CEP128: variants seen among roughly 807,000 people sequenced by gnomAD.
The protein encoded by CEP128 is centrosomal protein 128.
CEP128 carries 132 observed loss-of-function variants against 156.7 expected under a neutral mutation model. The observed-to-expected ratio is 0.84, with a 90% CI of 0.73 to 0.97. The LOEUF (loss-of-function observed/expected upper bound fraction) is 0.97, where lower values mean the gene tolerates loss of function less well. Ranked by LOEUF, CEP128 falls within the 50% of genes least tolerant of loss-of-function variation. The probability of loss-of-function intolerance (pLI) is 0.00; values close to 1 mark genes in which losing one functional copy is unlikely to be tolerated. For missense variants in CEP128, 1,252 were observed against 1,281.9 expected (o/e 0.98, Z 0.36); for synonymous variants, 469 against 448.9 (o/e 1.04, Z -0.57).
chr14:80,910,300 G>C (rs1884131994), intron 4 of CEP128, among the ~76,000 whole-genome samples: 1 of 152,108 alleles, frequency 6.6e-6, no homozygotes, highest in South Asian at 2.1e-4. Flanking sequence ...TCTGGATCTG[G>C]GTCCTCACCG....
chr14:80,593,094 C>T (rs1892150681), intron 19 of CEP128, among the ~76,000 whole-genome samples: 1 of 152,116 alleles, frequency 6.6e-6, no homozygotes, highest in Non-Finnish European at 1.5e-5. Context: ...TGGCACAAGA[C>T]AAGGATGCCC....
chr14:80,632,816 C>T (rs1894017186), intron 19 of CEP128, among the ~76,000 whole-genome samples: 1 of 152,090 alleles, frequency 6.6e-6, no homozygotes, highest in South Asian at 2.1e-4. Flanking sequence ...CAAGTGCATA[C>T]ATTCAATTTT....
intron 19 of CEP128, among the ~76,000 whole-genome samples, chr14:80,614,423 C>T (rs1893129245): frequency 6.6e-6 from 1 of 152,142 alleles, no homozygotes; most frequent in South Asian, 2.1e-4. Context: ...CCCTCCTATT[C>T]TTTTTTATCA....
At chr14:80,750,700 G>A (rs1433636617) in intron 18 of CEP128, among the ~76,000 whole-genome samples, 1 of 152,130 alleles carries the variant, frequency 6.6e-6, no homozygotes, top group Non-Finnish European at 1.5e-5. Context: ...GATGGTAATG[G>A]AGAAACAATA....
intron 1 of CEP128, among the ~76,000 whole-genome samples, chr14:80,939,964 C>T (rs1886056624): frequency 6.6e-6 from 1 of 152,158 alleles, no homozygotes; most frequent in Admixed American, 6.5e-5. Context: ...ATAAGATGCC[C>T]AGTTCTTCCC....
chr14:80,550,681 G>C (rs532410735), intron 21 of CEP128, among the ~76,000 whole-genome samples: 4 of 150,368 alleles, frequency 2.7e-5, no homozygotes, highest in Admixed American at 2.0e-4. Flanking sequence ...TATGAATATC[G>C]AGAAAAATTG....
chr14:80,898,144 T>C (rs1889435196), intron 7 of CEP128, among the ~76,000 whole-genome samples: 1 of 152,242 alleles, frequency 6.6e-6, no homozygotes. Context: ...CTTAATCCTT[T>C]CTAAAAGTTT....
chr14:80,909,371 T>TCACACACACACA (rs36082524), intron 4 of CEP128, among the ~76,000 whole-genome samples: 1,710 of 142,380 alleles, frequency 0.012, 22 homozygotes, highest in African/African-American at 0.013. Context: ...AAGTGAATTT[T>TCACACACACACA]CACACACACA....
At chr14:80,670,613 A>C (rs1395711707) in intron 19 of CEP128, among the ~76,000 whole-genome samples, 2 of 152,162 alleles carry the variant, frequency 1.3e-5, no homozygotes. Flanking sequence ...GGAATAATAG[A>C]TACTGGAGAT....
chr14:80,932,010 C>G (rs1214965683), intron 2 of CEP128, among the ~76,000 whole-genome samples: 1 of 152,144 alleles, frequency 6.6e-6, no homozygotes, highest in Non-Finnish European at 1.5e-5. Flanking sequence ...GTAATTGACT[C>G]ATAGGGGCAG....
chr14:80,642,867 G>A (rs1174889425), intron 19 of CEP128, among the ~76,000 whole-genome samples: 1 of 151,562 alleles, frequency 6.6e-6, no homozygotes, highest in African/African-American at 2.4e-5. Context: ...CAATTCTCCT[G>A]CCTCAGCCTC....
intron 20 of CEP128, among the ~76,000 whole-genome samples, chr14:80,563,993 T>C (rs1890806111): frequency 1.3e-5 from 2 of 152,206 alleles, no homozygotes; most frequent in African/African-American, 4.8e-5. Flanking sequence ...TGACTATAAC[T>C]AAGGGCTCTT....
chr14:80,810,323 C>CAAAAAAAAAAAAAAAAAAAAAAAAAA (rs71103883), intron 13 of CEP128, among the ~76,000 whole-genome samples: 3 of 15,206 alleles, frequency 2.0e-4, no homozygotes, highest in Non-Finnish European at 2.6e-4. Context: ...ACTCCATCTC[C>CAAAAAAAAAAAAAAAAAAAAAAAAAA]AAAAAAAAAA....
chr14:80,575,397 T>G (rs956990820), intron 20 of CEP128, among the ~76,000 whole-genome samples: 1 of 151,938 alleles, frequency 6.6e-6, no homozygotes, highest in Non-Finnish European at 1.5e-5. Context: ...ACATCATGAC[T>G]TTTTTTTCGA....
At chr14:80,479,646 C>G (rs940539863) in intron 14 of CEP128, among the ~76,000 whole-genome samples, 2 of 152,100 alleles carry the variant, frequency 1.3e-5, no homozygotes, top group African/African-American at 4.8e-5. Context: ...GGTGGGGACA[C>G]AGCCAAACCG....
At chr14:80,871,908 G>A (rs768780954) in intron 8 of CEP128, among the ~76,000 whole-genome samples, 1 of 152,038 alleles carries the variant, frequency 6.6e-6, no homozygotes, top group Non-Finnish European at 1.5e-5. Context: ...TGGTATTCTC[G>A]CTTTTCAATA....
chr14:80,731,069 T>C (rs1187662424), intron 19 of CEP128, among the ~76,000 whole-genome samples: 1 of 152,192 alleles, frequency 6.6e-6, no homozygotes, highest in East Asian at 1.9e-4. Context: ...CTAAAGACTT[T>C]GAAATTTTGA....
rs144343294 is a variant in CEP128, at chr14:80,735,654, A to T, written c.2806+7421T>A. ...AATTCCCACAAACTTAGTGCCTTAAAATGATGCAAATTTATTATGTTACAG... is the reference window on the plus strand; with the variant it reads ...AATTCCCACAAACTTAGTGCCTTAATATGATGCAAATTTATTATGTTACAG... On this transcript the variant is annotated intron_variant, in intron 19 of 24. Coordinates refer to ENST00000555265, the MANE Select transcript of CEP128 (RefSeq NM_152446.5). 1.6e-3 allele frequency among the ~76,000 whole-genome samples: 250 copies of T among 152,318 alleles called. 2 individuals are homozygous for T. Among genetic ancestry groups the T allele is most frequent in the African/African-American group, 5.5e-3 (228 of 41,578 alleles).
intron 3 of CEP128, among the ~76,000 whole-genome samples, chr14:80,915,541 G>A (rs1392135974): frequency 1.3e-5 from 2 of 152,122 alleles, no homozygotes; most frequent in African/African-American, 2.4e-5. Flanking sequence ...CCCTATAGCT[G>A]TGTTACACTT....
Sources: allele counts gnomAD v4.1 joint callset (sites outside exome capture counted in the v4.1 genomes callset), GRCh38; gene constraint gnomAD v4.1.1; transcripts MANE v1.5; gene names NCBI Gene and HGNC (gene_info 2026-07-23, HGNC 2026-07-21).